Variants in KDM7A observed in about 807,000 individuals in gnomAD.
KDM7A encodes the protein lysine demethylase 7A, also known as lysine-specific demethylase 7A.
Under a neutral mutation model 114.8 loss-of-function variants are expected in KDM7A, and 28 were observed. The observed-to-expected ratio is 0.24, with a 90% CI of 0.18 to 0.33. KDM7A has a LOEUF of 0.33. Ranked by LOEUF, KDM7A falls within the 10% of genes least tolerant of loss-of-function variation. KDM7A has a pLI of 1.00. For synonymous variants in KDM7A, 423 were observed against 397.8 expected (o/e 1.06, Z -0.75); for missense variants, 942 against 1,142.5 (o/e 0.82, Z 2.53).
intron 11 of KDM7A, 68 bp from the exon 12 acceptor site, chr7:140,102,228 T>C (rs1585140222): frequency 9.0e-7 from 1 of 1,116,720 alleles, no homozygotes; most frequent in Non-Finnish European, 1.3e-6. Context: ...TAAATAATCA[T>C]CCATAAAAAT....
At chr7:140,112,788 A>T (rs1171678315) in intron 10 of KDM7A, among the ~76,000 whole-genome samples, 1 of 152,246 alleles carries the variant, frequency 6.6e-6, no homozygotes, top group Non-Finnish European at 1.5e-5. Flanking sequence ...TACTTTATAA[A>T]CATTTGTTTT....
intron 9 of KDM7A, among the ~76,000 whole-genome samples, chr7:140,117,958 G>T (rs1255415326): frequency 6.6e-6 from 1 of 152,222 alleles, no homozygotes; most frequent in Non-Finnish European, 1.5e-5. Context: ...CTGTGAGGTG[G>T]GGGGTTTAGG....
chr7:140,117,435 A>G (rs1818549206), intron 9 of KDM7A, among the ~76,000 whole-genome samples: 1 of 151,578 alleles, frequency 6.6e-6, no homozygotes, highest in Non-Finnish European at 1.5e-5. Context: ...TTAGTAGAAA[A>G]AAAAAAACCA....
chr7:140,092,135 G>A (rs1818030569), intron 18 of KDM7A, 58 bp from the exon 19 acceptor site: 2 of 1,513,756 alleles, frequency 1.3e-6, no homozygotes, highest in Admixed American at 3.4e-5. Context: ...AGGTATTTAA[G>A]CTCTCTATGC....
At chr7:140,159,523 C>T (rs193065922) in intron 1 of KDM7A, among the ~76,000 whole-genome samples, 85 of 152,286 alleles carry the variant, frequency 5.6e-4, no homozygotes, top group African/African-American at 1.9e-3. Flanking sequence ...AGACCACAAT[C>T]TATATGACTT....
Position 140,171,559 on chromosome 7 carries a change from T to TTATATATTTATAAATATATATTTA in KDM7A, c.194+5184_194+5185insTAAATATATATTTATAAATATATA, listed in dbSNP as rs1562962731. ...TATATATTTATAAATATATATTTAT[T>TTATATATTTATAAATATATATTTA]TTTATATATTTATATATATATATTT... On this transcript the variant is annotated intron_variant, in intron 1 of 19. Coordinates refer to ENST00000397560, the MANE Select transcript of KDM7A (RefSeq NM_030647.2). Among the ~76,000 whole-genome samples, 30 of 108,776 alleles carry TTATATATTTATAAATATATATTTA rather than the reference T, an allele frequency of 2.8e-4. 1 individual carries two copies. Among genetic ancestry groups the TTATATATTTATAAATATATATTTA allele is most frequent in the African/African-American group, 5.1e-4 (14 of 27,520 alleles). 71.4% of individuals were successfully genotyped at this position (108,776 alleles called of 152,430 possible). A position where few individuals can be genotyped will look rare whatever the true frequency, so the allele number is the denominator to read the frequency against.
intron 12 of KDM7A, among the ~76,000 whole-genome samples, chr7:140,101,134 C>T (rs1315468633): frequency 6.6e-5 from 10 of 151,756 alleles, no homozygotes; most frequent in Non-Finnish European, 1.3e-4. Context: ...CCTGGTTCTT[C>T]GATCTTATTC....
intron 16 of KDM7A, 26 bp from the exon 17 acceptor site, chr7:140,096,789 C>A: frequency 1.2e-6 from 2 of 1,602,710 alleles, no homozygotes; most frequent in South Asian, 1.1e-5. Flanking sequence ...TCCAAAAACA[C>A]AAGAGTCTAT....
intron 19 of KDM7A, among the ~76,000 whole-genome samples, 189 bp downstream of exon 19, chr7:140,091,615 G>A (rs1032926466): frequency 9.2e-5 from 14 of 151,978 alleles, no homozygotes; most frequent in African/African-American, 2.7e-4. Flanking sequence ...TCTGTCTCTC[G>A]CTCCTCAGAG....
At chr7:140,105,541 A>G (rs1181541538) in intron 11 of KDM7A, among the ~76,000 whole-genome samples, 1 of 152,196 alleles carries the variant, frequency 6.6e-6, no homozygotes, top group Non-Finnish European at 1.5e-5. Context: ...ATCTATTGAG[A>G]TAATCATGTG....
At position 140,176,859 on chromosome 7, in the gene KDM7A, C is replaced by T. The variant is rs1293635896; in HGVS notation, c.79G>A (p.Gly27Ser). Residue 27 changes from glycine (G) to serine (S), a missense_variant, in exon 1 of 20, where the codon GGC becomes AGC. By Grantham distance (56) the Gly-to-Ser change is moderately conservative. Transcript: ENST00000397560. This position sits in a 1 kb window ranked among gnomAD's most constrained non-coding sequence, Gnocchi z 4.4. ...GGCGGCGGAGGCGCCGAGGCCCGGC[C>T]GGGAGCCGCCACCGACACGGCTGCC... ...AAAAVSVAAP[G>S]RASAPPPPPP... 2 of 1,279,662 alleles carry T rather than the reference C, an allele frequency of 1.6e-6. No individual in the cohort carries two copies. Among genetic ancestry groups the T allele is most frequent in the African/African-American group, 1.6e-5 (1 of 63,504 alleles). The allele number at this position is 1,279,662 out of a possible 1,614,324, so 79.3% of individuals were successfully genotyped here.
At chr7:140,126,999 G>A (rs1267274203) in intron 5 of KDM7A, among the ~76,000 whole-genome samples, 176 bp from the exon 6 acceptor site, 1 of 152,146 alleles carries the variant, frequency 6.6e-6, no homozygotes, top group African/African-American at 2.4e-5. Context: ...TTGCTCTGTC[G>A]CCTAGGCTAG....
At chr7:140,173,345 T>A (rs1346355211) in intron 1 of KDM7A, among the ~76,000 whole-genome samples, 1 of 152,136 alleles carries the variant, frequency 6.6e-6, no homozygotes, top group Non-Finnish European at 1.5e-5. Flanking sequence ...TGGGAATTGG[T>A]ATGCAGCTAA....
rs1585174559 is a variant in KDM7A at position 140,175,870 on chromosome 7, G to T, written c.194+874C>A. On this transcript the variant is annotated intron_variant, in intron 1 of 19. Coordinates refer to ENST00000397560, the MANE Select transcript of KDM7A (RefSeq NM_030647.2). ...GGTCCCGGTGTCGCCAGCTTCGAGC[G>T]ATGGCAACTGCACTCTTTGTAAAGT... Among the ~76,000 whole-genome samples, 5 of 152,110 alleles carry T rather than the reference G, an allele frequency of 3.3e-5. No homozygotes were observed. The South Asian group carries it at 1.0e-3, about 32-fold the overall frequency.
chr7:140,086,806 G>A lies in KDM7A; in HGVS notation c.*4288C>T, dbSNP rs1053293644. ...CCAGCGACACTCTGTCTAGGCTAAAGATCTGATGATCCAGCTTCCCAAGAC... is the reference window on the plus strand; with the variant it reads ...CCAGCGACACTCTGTCTAGGCTAAAAATCTGATGATCCAGCTTCCCAAGAC... On this transcript the variant is annotated 3_prime_UTR_variant, in exon 20 of 20. Transcript: ENST00000397560. The A allele has an allele frequency of 3.3e-5, 5 of 152,162 alleles. No individual in the cohort carries two copies. The highest frequency in any genetic ancestry group is 1.2e-4 in the African/African-American group (5 of 41,430). The allele number at this position is 152,162 out of a possible 1,614,324, so 9.4% of individuals were successfully genotyped here. A position where few individuals can be genotyped will look rare whatever the true frequency, so the allele number is the denominator to read the frequency against.
At chr7:140,124,342 G>C (rs1158400473) in intron 7 of KDM7A, among the ~76,000 whole-genome samples, 1 of 152,100 alleles carries the variant, frequency 6.6e-6, no homozygotes, top group South Asian at 2.1e-4. Flanking sequence ...AAAAACCACT[G>C]AGCTGTACAC....
intron 1 of KDM7A, among the ~76,000 whole-genome samples, chr7:140,155,215 T>A (rs1396025793): frequency 3.3e-5 from 5 of 152,212 alleles, no homozygotes; most frequent in Non-Finnish European, 1.5e-5. Flanking sequence ...TAGGCTGAAG[T>A]CTAATGACTG....
intron 1 of KDM7A, among the ~76,000 whole-genome samples, chr7:140,173,588 ATT>A (rs1462242709): frequency 6.6e-6 from 1 of 152,092 alleles, no homozygotes; most frequent in African/African-American, 2.4e-5. Context: ...TTAACAAGAA[ATT>A]ACCCAGGCAA....
At chr7:140,109,074 G>A (rs1368719305) in intron 11 of KDM7A, among the ~76,000 whole-genome samples, 1 of 152,158 alleles carries the variant, frequency 6.6e-6, no homozygotes, top group Non-Finnish European at 1.5e-5. Flanking sequence ...CGGAGCCAGC[G>A]CAGGATATAA....
Sources: gnomAD v4.1 joint callset for allele counts (sites outside exome capture counted in the v4.1 genomes callset) on GRCh38, gnomAD v4.1.1 for gene constraint, Gnocchi (gnomAD v3.1) non-coding constraint, MANE v1.5 for transcripts, NCBI Gene and HGNC (gene_info 2026-07-23, HGNC 2026-07-21) for gene names.